NRG3: variants seen among roughly 807,000 people sequenced by gnomAD.
The protein encoded by NRG3 is pro-neuregulin-3, membrane-bound isoform.
A neutral mutation model predicts 66.9 loss-of-function variants in NRG3; 31 were observed. The observed-to-expected ratio is 0.46, with a 90% CI of 0.35 to 0.63. NRG3 has a LOEUF of 0.63. Among genes scored for constraint, NRG3 ranks in the 20% least tolerant of loss-of-function variants. The pLI, the probability that NRG3 is intolerant of heterozygous loss-of-function variation, is 0.00. For missense variants in NRG3, 910 were observed against 878.9 expected, an observed-to-expected ratio of 1.04 and a Z score of -0.45; for synonymous variants, 393 against 359.4, an observed-to-expected ratio of 1.09 and a Z score of -1.06.
At chr10:82,670,780 C>A (rs527932175) in intron 2 of NRG3, among the ~76,000 whole-genome samples, 20 of 152,168 alleles carry the variant, frequency 1.3e-4, no homozygotes, top group African/African-American at 4.6e-4. Flanking sequence ...AGAGAATTCA[C>A]CAAAGTTAGC....
At chr10:82,165,071 T>A (rs533244205) in intron 1 of NRG3, among the ~76,000 whole-genome samples, 6 of 152,206 alleles carry the variant, frequency 3.9e-5, no homozygotes, top group Non-Finnish European at 8.8e-5. Context: ...TTTTCATGTA[T>A]ATTTTTATAT....
At chr10:82,345,290 A>C (rs1404944958) in intron 1 of NRG3, among the ~76,000 whole-genome samples, 2 of 130,712 alleles carry the variant, frequency 1.5e-5, no homozygotes, top group African/African-American at 4.0e-5. Flanking sequence ...ATGGCTAGCT[A>C]GTTTTCCAAA....
At chr10:82,742,749 G>C (rs2058479087) in intron 3 of NRG3, among the ~76,000 whole-genome samples, 1 of 152,128 alleles carries the variant, frequency 6.6e-6, no homozygotes, top group South Asian at 2.1e-4. Context: ...GCAGCAGTAA[G>C]CTTCCCGGAA....
intron 1 of NRG3, among the ~76,000 whole-genome samples, chr10:81,886,297 C>G (rs1467738941): frequency 6.6e-6 from 1 of 152,104 alleles, no homozygotes; most frequent in Non-Finnish European, 1.5e-5. Flanking sequence ...TATATTAGCT[C>G]CCAAACCTGT....
At chr10:82,124,457 T>C (rs149428905) in intron 1 of NRG3, among the ~76,000 whole-genome samples, 2,579 of 152,068 alleles carry the variant, frequency 0.017, 59 homozygotes, top group Non-Finnish European at 0.027. Context: ...TTTAACAAGT[T>C]TGGCTAACAC....
chr10:82,025,371 T>C (rs1365492492), intron 1 of NRG3, among the ~76,000 whole-genome samples: 4 of 151,658 alleles, frequency 2.6e-5, no homozygotes, highest in Admixed American at 6.6e-5. Context: ...GTATATGTTT[T>C]AGTTTTTTAA....
intron 2 of NRG3, among the ~76,000 whole-genome samples, chr10:82,363,864 AAT>A (rs1186309105): frequency 6.6e-6 from 1 of 152,198 alleles, no homozygotes; most frequent in Non-Finnish European, 1.5e-5. Flanking sequence ...TGTCTATATA[AAT>A]TAGAATATAT....
intron 1 of NRG3, among the ~76,000 whole-genome samples, chr10:81,980,296 G>T: frequency 6.6e-6 from 1 of 151,810 alleles, no homozygotes; most frequent in Non-Finnish European, 1.5e-5. Flanking sequence ...ATTATTACAT[G>T]TGTAAATTTG....
chr10:82,843,114 A>T, intron 3 of NRG3: 1 of 331,780 alleles, frequency 3.0e-6, no homozygotes. Context: ...TGTGGAGAAG[A>T]TGGGGGACTA....
rs2060395516 is a variant in NRG3 at position 82,787,018 on chromosome 10, C to T, written c.1027+48368C>T. On this transcript the variant is annotated intron_variant, in intron 3 of 8. Transcript: ENST00000372141. ...GAACTGTAATAAATAAATCTCTGTTCTTTATTACCCAGTCTCAAATTTTCT... is the reference window on the plus strand; with the variant it reads ...GAACTGTAATAAATAAATCTCTGTTTTTTATTACCCAGTCTCAAATTTTCT... 2.6e-5 allele frequency among the ~76,000 whole-genome samples: 4 copies of T among 152,172 alleles called. 1 individual carries two copies. In the South Asian group the frequency reaches 8.3e-4, roughly 32 times the overall value.
chr10:82,402,160 GGC>G (rs1415413890), intron 2 of NRG3, among the ~76,000 whole-genome samples: 1 of 151,632 alleles, frequency 6.6e-6, no homozygotes, highest in Non-Finnish European at 1.5e-5. Flanking sequence ...TATCATAAGA[GGC>G]ATATCTATTT....
intron 2 of NRG3, among the ~76,000 whole-genome samples, chr10:82,574,551 A>G (rs2045926979): frequency 2.0e-5 from 3 of 151,856 alleles, no homozygotes; most frequent in Non-Finnish European, 4.4e-5. Context: ...TTCCCAACAC[A>G]AAGAAATTAT....
intron 2 of NRG3, among the ~76,000 whole-genome samples, chr10:82,550,112 T>G (rs975446928): frequency 6.6e-6 from 1 of 152,178 alleles, no homozygotes; most frequent in Non-Finnish European, 1.5e-5. Context: ...TTCCTCTAGT[T>G]CAATGTGTAA....
At chr10:82,465,317 A>G (rs964290031) in intron 2 of NRG3, among the ~76,000 whole-genome samples, 2 of 152,220 alleles carry the variant, frequency 1.3e-5, no homozygotes, top group African/African-American at 4.8e-5. Context: ...CAGTCACCGT[A>G]TGACTTAAAA....
chr10:81,899,936 AT>A (rs1843875953), intron 1 of NRG3, among the ~76,000 whole-genome samples: 1 of 151,366 alleles, frequency 6.6e-6, no homozygotes, highest in South Asian at 2.1e-4. Context: ...GTGTTTACAT[AT>A]TTTAAACATG....
intron 3 of NRG3, among the ~76,000 whole-genome samples, chr10:82,757,657 C>A (rs1391992455): frequency 2.0e-5 from 3 of 151,994 alleles, no homozygotes; most frequent in South Asian, 4.1e-4. Flanking sequence ...CTAATGACGA[C>A]CCCTTTGAGA....
chr10:82,063,831 C>T (rs190360160), intron 1 of NRG3, among the ~76,000 whole-genome samples: 280 of 152,288 alleles, frequency 1.8e-3, no homozygotes, highest in African/African-American at 6.4e-3. Flanking sequence ...ATCGTTTGAT[C>T]TATCAGGTGT....
intron 2 of NRG3, among the ~76,000 whole-genome samples, chr10:82,567,961 A>G (rs987752574): frequency 6.6e-6 from 1 of 151,938 alleles, no homozygotes; most frequent in Non-Finnish European, 1.5e-5. Context: ...TTAAGCCTGG[A>G]CATCCTGGAG....
At chr10:82,133,638 C>G (rs951177031) in intron 1 of NRG3, among the ~76,000 whole-genome samples, 1 of 152,062 alleles carries the variant, frequency 6.6e-6, no homozygotes, top group Non-Finnish European at 1.5e-5. Context: ...ATATGTACCA[C>G]GTTTTCTTTA....
Sources: allele counts gnomAD v4.1 joint callset (sites outside exome capture counted in the v4.1 genomes callset), GRCh38; gene constraint gnomAD v4.1.1; transcripts MANE v1.5; gene names NCBI Gene and HGNC (gene_info 2026-07-23, HGNC 2026-07-21).